Variants in NID2 observed in about 807,000 individuals in gnomAD.
NID2 encodes the protein nidogen 2.
NID2 carries 83 observed loss-of-function variants against 145.4 expected under a neutral mutation model. The ratio of observed to expected loss-of-function variants is 0.57; its 90% CI spans 0.48 to 0.69. The LOEUF is 0.69. Ranked by LOEUF, NID2 falls within the 30% of genes least tolerant of loss-of-function variation. NID2 has a pLI of 0.00. For missense variants in NID2, 1,807 were observed against 1,765.7 expected (o/e 1.02, Z -0.42); for synonymous variants, 739 against 701.3 (o/e 1.05, Z -0.85).
chr14:52,018,893 T>A (rs1481405676), intron 14 of NID2, among the ~76,000 whole-genome samples, 168 bp downstream of exon 14: 1 of 152,236 alleles, frequency 6.6e-6, no homozygotes, highest in Non-Finnish European at 1.5e-5. Context: ...CTCTATGTCC[T>A]TATGACACAA....
At chr14:52,056,333 T>C (rs985092955) in intron 3 of NID2, among the ~76,000 whole-genome samples, 2 of 152,176 alleles carry the variant, frequency 1.3e-5, no homozygotes, top group Non-Finnish European at 2.9e-5. Context: ...TTATGCATAA[T>C]GGAAAAGTAA....
At chr14:52,023,246 G>A (rs570736246) in intron 12 of NID2, among the ~76,000 whole-genome samples, 2 of 152,074 alleles carry the variant, frequency 1.3e-5, no homozygotes, top group Non-Finnish European at 2.9e-5. Context: ...GGAGGCTGAG[G>A]GGGGTAGATC....
chr14:52,022,010 A>T (rs1891416601), intron 12 of NID2, among the ~76,000 whole-genome samples: 1 of 152,202 alleles, frequency 6.6e-6, no homozygotes, highest in African/African-American at 2.4e-5. Context: ...ACGCATGCTA[A>T]AAGTACTTCT....
chr14:52,023,111 C>A (rs762033154), intron 12 of NID2, among the ~76,000 whole-genome samples: 9 of 152,206 alleles, frequency 5.9e-5, no homozygotes, highest in African/African-American at 2.2e-4. Context: ...CCATACCCAA[C>A]ATCTACCTAC....
intron 2 of NID2, among the ~76,000 whole-genome samples, chr14:52,066,936 T>A (rs1299533222): frequency 2.0e-5 from 3 of 152,188 alleles, no homozygotes; most frequent in African/African-American, 7.2e-5. Flanking sequence ...AGCCTGGAAT[T>A]TTTTACTTTC....
At chr14:52,028,367 T>C (rs369729538) in intron 11 of NID2, among the ~76,000 whole-genome samples, 2 of 151,878 alleles carry the variant, frequency 1.3e-5, no homozygotes, top group African/African-American at 4.8e-5. Flanking sequence ...CTCTGCCTCC[T>C]GCGCTCAAGC....
At chr14:52,014,808 G>T (rs991909710) in intron 15 of NID2, among the ~76,000 whole-genome samples, 7 of 152,058 alleles carry the variant, frequency 4.6e-5, no homozygotes, top group African/African-American at 1.4e-4. Context: ...GCTGGGGAGG[G>T]GGAGTAACTG....
chr14:52,049,883 C>T lies in NID2; in HGVS notation c.1429+3696G>A, dbSNP rs2749886. On this transcript the variant is annotated intron_variant, in intron 5 of 21. Coordinates refer to ENST00000216286, the MANE Select transcript of NID2 (RefSeq NM_007361.4). ...CTCATATAGGTGTCTTCACAGGCAT[C>T]GGGGGGCGGCGGCTCCTGGTCACAG... Among the ~76,000 whole-genome samples, 1,261 of 152,010 alleles carry T rather than the reference C, an allele frequency of 8.3e-3. 37 individuals carry two copies. The highest frequency in any genetic ancestry group is 0.054 in the Admixed American group (823 of 15,288).
intron 12 of NID2, among the ~76,000 whole-genome samples, chr14:52,022,968 T>C (rs1328956153): frequency 6.6e-6 from 1 of 152,136 alleles, no homozygotes; most frequent in Non-Finnish European, 1.5e-5. Context: ...CACAATCTGT[T>C]CAATTGGGCA....
chr14:52,017,151 A>AT (rs1233457255), intron 14 of NID2, among the ~76,000 whole-genome samples: 1 of 152,108 alleles, frequency 6.6e-6, no homozygotes, highest in Non-Finnish European at 1.5e-5. Context: ...CCAAGGATCC[A>AT]TTTTTGCTTT....
rs147665146 is a variant in NID2 at position 52,031,269 on chromosome 14, A to G, written c.2258-1579T>C. 8.8e-3 allele frequency among the ~76,000 whole-genome samples: 1,345 copies of G among 152,306 alleles called. 19 individuals carry two copies. Among genetic ancestry groups the G allele is most frequent in the African/African-American group, 0.031 (1,290 of 41,566 alleles). On this transcript the variant is annotated intron_variant, in intron 9 of 21. Coordinates refer to ENST00000216286, the MANE Select transcript of NID2 (RefSeq NM_007361.4). ...GTAAAATGGAAATAGGAACATGTAC[A>G]TCTGCCAATCCTGCTAAAGAAAATT... is the stretch of plus-strand genomic sequence containing the variant.
At chr14:52,028,283 TTG>T (rs1491037279) in intron 11 of NID2, among the ~76,000 whole-genome samples, 1 of 151,238 alleles carries the variant, frequency 6.6e-6, no homozygotes, top group East Asian at 1.9e-4. Context: ...GTTTTTTTTT[TTG>T]TTTTTTTGAG....
At chr14:52,048,203 T>C (rs982509447) in intron 5 of NID2, among the ~76,000 whole-genome samples, 1 of 152,204 alleles carries the variant, frequency 6.6e-6, no homozygotes, top group Admixed American at 6.5e-5. Context: ...CTGAGCTCAG[T>C]GCTTACGGCC....
In NID2 at chr14:52,059,881, T is replaced by C. The variant is rs77874719; in HGVS notation, c.767+243A>G. Among the ~76,000 whole-genome samples, 1,039 of 152,292 alleles carry C rather than the reference T, an allele frequency of 6.8e-3. 20 individuals are homozygous for C. The highest frequency in any genetic ancestry group is 0.023 in the African/African-American group (974 of 41,564). On this transcript the variant is annotated intron_variant, in intron 3 of 21. Coordinates refer to ENST00000216286, the MANE Select transcript of NID2 (RefSeq NM_007361.4). ...TAGCAAGCCTCAGTGGCTCTACAAA[T>C]ACACACACATACTGTTCTGTTTCCA... is the stretch of plus-strand genomic sequence containing the variant.
At chr14:52,036,652 G>T (rs781648567) in intron 9 of NID2, among the ~76,000 whole-genome samples, 2 of 152,078 alleles carry the variant, frequency 1.3e-5, no homozygotes, top group Non-Finnish European at 1.5e-5. Context: ...AATTTTCCAT[G>T]TTCTCGCCAA....
intron 14 of NID2, 67 bp downstream of exon 14, chr14:52,018,994 G>A (rs1211401527): frequency 3.2e-6 from 4 of 1,263,038 alleles, no homozygotes; most frequent in African/African-American, 1.5e-5. Context: ...TGCGTGGTCT[G>A]GGCAGGAATT....
In NID2 at chr14:52,053,606, C is replaced by T; in HGVS notation, c.1402G>A (p.Glu468Lys). ...LSRGTYEVGLEDNIGSNTEVF... is the reference protein window; with the variant it reads ...LSRGTYEVGLKDNIGSNTEVF... ...TCGGTGTTGGAACCTATGTTGTCTT[C>T]CAGTCCCACCTCATACGTCCCTCGA... Residue 468 changes from glutamate (E) to lysine (K), a missense_variant, in exon 5 of 22, where the codon GAA becomes AAA. By Grantham distance (56) the Glu-to-Lys change is moderately conservative. Transcript: ENST00000216286. The T allele has an allele frequency of 6.2e-7, 1 of 1,614,078 alleles. No individual in the cohort carries two copies. Among genetic ancestry groups the T allele is most frequent in the Non-Finnish European group, 8.5e-7 (1 of 1,179,944 alleles).
chr14:52,020,191 G>A lies in NID2; in HGVS notation c.2675-13C>T. ...CATTCATCTACATCTGCAGAGGTCA[G>A]AAACAGAAGAAAGAAGCAAAGAACA... On this transcript the variant is annotated splice_polypyrimidine_tract_variant and intron_variant, in intron 12 of 21. Transcript: ENST00000216286. 1 of 1,613,000 alleles carries A rather than the reference G, an allele frequency of 6.2e-7. No individual in the cohort carries two copies. Among genetic ancestry groups the A allele is most frequent in the Non-Finnish European group, 8.5e-7 (1 of 1,179,240 alleles).
intron 16 of NID2, 41 bp from the exon 17 acceptor site, chr14:52,011,724 A>G (rs753968595): frequency 6.2e-7 from 1 of 1,612,228 alleles, no homozygotes; most frequent in Admixed American, 1.7e-5. Context: ...ATTAGGTTAC[A>G]TTTCCCCTTT....
Sources: gnomAD v4.1 joint callset for allele counts (sites outside exome capture counted in the v4.1 genomes callset) on GRCh38, gnomAD v4.1.1 for gene constraint, MANE v1.5 for transcripts, NCBI Gene and HGNC (gene_info 2026-07-23, HGNC 2026-07-21) for gene names.